Variants in POU2F3 observed in about 807,000 individuals in gnomAD.
POU2F3 encodes POU domain, class 2, transcription factor 3.
In POU2F3, 23 loss-of-function variants were observed where a neutral mutation model predicts 59.2. The ratio of observed to expected loss-of-function variants is 0.39; its 90% CI spans 0.28 to 0.55. POU2F3 has a LOEUF of 0.55. Among genes scored for constraint, POU2F3 ranks in the 20% least tolerant of loss-of-function variants. POU2F3 has a pLI of 0.66. For synonymous variants in POU2F3, 190 were observed against 214.6 expected (o/e 0.89, Z 1.00); for missense variants, 473 against 544.5 (o/e 0.87, Z 1.31).
chr11:120,288,132 A>AC (rs1342696165), intron 3 of POU2F3, among the ~76,000 whole-genome samples: 2 of 145,462 alleles, frequency 1.4e-5, no homozygotes, highest in African/African-American at 5.0e-5. Context: ...AAAAACCAAA[A>AC]AAAAAAAAAA....
intron 3 of POU2F3, among the ~76,000 whole-genome samples, chr11:120,297,595 T>C (rs1230931413): frequency 3.3e-5 from 5 of 152,168 alleles, no homozygotes; most frequent in Non-Finnish European, 7.4e-5. Flanking sequence ...TGAGATTCCA[T>C]TGAGGAAAAT....
At position 120,299,727 on chromosome 11, in the gene POU2F3, G is replaced by T; in HGVS notation, c.361+1G>T. 2 of 1,610,328 alleles carry T rather than the reference G, an allele frequency of 1.2e-6. No homozygotes were observed. Among genetic ancestry groups the T allele is most frequent in the Non-Finnish European group, 1.7e-6 (2 of 1,179,156 alleles). On this transcript the variant is annotated splice_donor_variant, in intron 5 of 12. Transcript: ENST00000543440. LOFTEE classifies it high-confidence loss of function. ...TCTCAGACCCAGCCTGGGCAGCAAG[G>T]TAAGAACCCTGGGGGTTTCCACCTA...
chr11:120,236,937 TCCC>T (rs1251316106), upstream of POU2F3, among the ~76,000 whole-genome samples: 1 of 152,096 alleles, frequency 6.6e-6, no homozygotes, highest in Admixed American at 6.5e-5. Flanking sequence ...CTGGGGTAAG[TCCC>T]CCTCCTTGTG....
intron 2 of POU2F3, among the ~76,000 whole-genome samples, chr11:120,265,683 A>T (rs965186743): frequency 1.3e-5 from 2 of 152,248 alleles, no homozygotes; most frequent in Non-Finnish European, 2.9e-5. Context: ...TAACAACATC[A>T]TAATGGCATT....
chr11:120,295,565 G>C (rs184891311), intron 3 of POU2F3, among the ~76,000 whole-genome samples: 1 of 152,368 alleles, frequency 6.6e-6, no homozygotes, highest in African/African-American at 2.4e-5. Flanking sequence ...TGTAGTGGTG[G>C]TGGTCATTTT....
rs753145539 is a variant in POU2F3, at chr11:120,305,626, CT to C, written c.628-17del. 3.3e-5 allele frequency: 53 copies of C among 1,612,560 alleles called. 1 individual carries two copies. Among genetic ancestry groups the C allele is most frequent in the Non-Finnish European group, 4.4e-5 (52 of 1,179,496 alleles). On this transcript the variant is annotated splice_polypyrimidine_tract_variant and intron_variant, in intron 7 of 12. Transcript: ENST00000543440. ...GAGGCTGCCTCTCATGTTCCTCCCC[CT>C]CGGTCCCCACGCTTAGGGAGATGTG...
upstream of POU2F3, among the ~76,000 whole-genome samples, chr11:120,239,718 T>G (rs1056324168): frequency 4.6e-5 from 7 of 152,196 alleles, no homozygotes; most frequent in African/African-American, 1.7e-4. Flanking sequence ...TGAAGAACCT[T>G]GTCCCAGCCA....
At chr11:120,274,337 C>G (rs34172923) in intron 3 of POU2F3, among the ~76,000 whole-genome samples, 75,539 of 152,042 alleles carry the variant, frequency 0.5, 24,303 homozygotes, top group East Asian at 1. Context: ...TGATATGTAG[C>G]TAACTCTTAG....
intron 2 of POU2F3, among the ~76,000 whole-genome samples, chr11:120,252,770 G>A (rs540039357): frequency 2.4e-4 from 36 of 152,196 alleles, no homozygotes; most frequent in East Asian, 1.7e-3. Context: ...AGATTCCCAC[G>A]CCAACACCCA....
rs1938599788 is a variant in POU2F3 at position 120,240,186 on chromosome 11, C to T, written c.-158C>T. ...CCGAGTGTTGCCCGGGCCGGAGCAG[C>T]GGAGCGCGCGACAGTGGCGGCGACG... On this transcript the variant is annotated 5_prime_UTR_variant, in exon 1 of 13. Transcript: ENST00000543440. 2 of 1,229,226 alleles carry T rather than the reference C, an allele frequency of 1.6e-6. No individual in the cohort carries two copies. Among genetic ancestry groups the T allele is most frequent in the South Asian group, 4.0e-5 (1 of 24,758 alleles). The allele number at this position is 1,229,226 out of a possible 1,614,324, so 76.1% of individuals were successfully genotyped here. A position where few individuals can be genotyped will look rare whatever the true frequency, so the allele number is the denominator to read the frequency against.
intron 1 of POU2F3, among the ~76,000 whole-genome samples, chr11:120,243,118 G>A (rs115835459): frequency 0.012 from 1,788 of 152,300 alleles, 36 homozygotes; most frequent in African/African-American, 0.041. Context: ...ATGGGACTGA[G>A]AAGAAATGAG....
At chr11:120,244,131 G>A (rs767064759) in intron 1 of POU2F3, among the ~76,000 whole-genome samples, 4 of 152,190 alleles carry the variant, frequency 2.6e-5, no homozygotes, top group Admixed American at 2.0e-4. Flanking sequence ...TCATCCCAGC[G>A]TCACTGCCTC....
chr11:120,316,865 CCTT>C (rs1941800779), intron 11 of POU2F3, among the ~76,000 whole-genome samples: 1 of 152,232 alleles, frequency 6.6e-6, no homozygotes, highest in Non-Finnish European at 1.5e-5. Context: ...CTCCTCTCTT[CCTT>C]CTTGTTCTTT....
At chr11:120,277,535 G>T (rs747776569) in intron 3 of POU2F3, among the ~76,000 whole-genome samples, 6 of 152,120 alleles carry the variant, frequency 3.9e-5, no homozygotes, top group Admixed American at 6.5e-5. Flanking sequence ...CAGCACTTTG[G>T]GAGGCTGAGG....
At chr11:120,278,173 T>C (rs1438220013) in intron 3 of POU2F3, among the ~76,000 whole-genome samples, 1 of 152,208 alleles carries the variant, frequency 6.6e-6, no homozygotes, top group Non-Finnish European at 1.5e-5. Context: ...CTTATATGAT[T>C]ATAGTCAGGC....
intron 6 of POU2F3, 109 bp downstream of exon 6, chr11:120,302,477 A>G: frequency 9.8e-7 from 1 of 1,017,666 alleles, no homozygotes; most frequent in Non-Finnish European, 1.5e-6. Flanking sequence ...CCCTCTGGGG[A>G]GAGGGGATAG....
chr11:120,305,233 A>G (rs755314591), intron 7 of POU2F3, 21 bp downstream of exon 7: 20 of 1,608,362 alleles, frequency 1.2e-5, no homozygotes, highest in Non-Finnish European at 1.7e-5. Flanking sequence ...AGGGGAAAAG[A>G]TAGAAGAAGT....
chr11:120,238,520 A>G (rs1159872672), upstream of POU2F3, among the ~76,000 whole-genome samples: 1 of 151,990 alleles, frequency 6.6e-6, no homozygotes, highest in East Asian at 1.9e-4. Flanking sequence ...GGCCCTCAGA[A>G]CCTGCCACGA....
At chr11:120,281,804 A>C (rs529951654) in intron 3 of POU2F3, among the ~76,000 whole-genome samples, 5 of 152,050 alleles carry the variant, frequency 3.3e-5, no homozygotes, top group Non-Finnish European at 7.4e-5. Flanking sequence ...CCACCAACAC[A>C]ATCTGTGTAA....
Sources: gnomAD v4.1 joint callset for allele counts (sites outside exome capture counted in the v4.1 genomes callset) on GRCh38, gnomAD v4.1.1 for gene constraint, MANE v1.5 for transcripts, NCBI Gene and HGNC (gene_info 2026-07-23, HGNC 2026-07-21) for gene names.